The following PFKP variants were observed in gnomAD, a reference collection of about 807,000 sequenced individuals.
The protein encoded by PFKP is ATP-dependent 6-phosphofructokinase, platelet type.
Under a neutral mutation model 94.3 loss-of-function variants are expected in PFKP, and 101 were observed. The observed-to-expected ratio is 1.07, with a 90% CI of 0.91 to 1.26. The LOEUF (loss-of-function observed/expected upper bound fraction) is 1.26, where lower values mean the gene tolerates loss of function less well. PFKP is among the 50% of genes most tolerant of loss of function. The pLI is 0.00. For synonymous variants in PFKP, 573 were observed against 432.6 expected, an observed-to-expected ratio of 1.32 and a Z score of -4.03; for missense variants, 1,145 against 1,103.3, an observed-to-expected ratio of 1.04 and a Z score of -0.53.
intron 2 of PFKP, among the ~76,000 whole-genome samples, chr10:3,097,085 C>A (rs11251715): frequency 0.4 from 16,784 of 42,180 alleles, 3,075 homozygotes; most frequent in Middle Eastern, 0.49. Flanking sequence ...CTCAAAAAAA[C>A]AAAAAACAAA....
intron 2 of PFKP, among the ~76,000 whole-genome samples, chr10:3,097,028 AG>A (rs1834539388): frequency 8.4e-6 from 1 of 119,454 alleles, no homozygotes; most frequent in Admixed American, 7.8e-5. Context: ...CAATGAGCCA[AG>A]ATCACGCCAC....
chr10:3,104,772 T>A (rs531592957), intron 5 of PFKP: 1 of 363,132 alleles, frequency 2.8e-6, no homozygotes, highest in Non-Finnish European at 5.0e-6. Flanking sequence ...AGCTGCCGAC[T>A]GTGCCCAATA....
At chr10:3,100,880 AAAT>A (rs746102949) in intron 3 of PFKP, 26 of 1,138,804 alleles carry the variant, frequency 2.3e-5, no homozygotes, top group Non-Finnish European at 2.8e-5. Flanking sequence ...AAAAAAAAAA[AAAT>A]CCCCCTGGCC....
intron 1 of PFKP, 74 bp from the exon 2 acceptor site, chr10:3,082,314 G>T: frequency 9.1e-7 from 1 of 1,095,442 alleles, no homozygotes; most frequent in Non-Finnish European, 1.4e-6. Flanking sequence ...CGGACCCATG[G>T]TCATGGGTAG....
At chr10:3,127,016 A>AG (rs1838026297) in intron 16 of PFKP, among the ~76,000 whole-genome samples, 1 of 152,248 alleles carries the variant, frequency 6.6e-6, no homozygotes, top group Admixed American at 6.5e-5. Flanking sequence ...GAGGCCAGGG[A>AG]GGCACCTCCG....
chr10:3,071,435 T>TG lies in PFKP; in HGVS notation c.112+3728_112+3729insG, dbSNP rs546201649. ...ATCTTCTGTCTCAGGCTGTTTTTTT[T>TG]TTTTTTTTTTTTTTCTTTCTCTTCT... is the stretch of plus-strand genomic sequence containing the variant. On this transcript the variant is annotated intron_variant, in intron 1 of 21. Transcript: ENST00000381125. 5.1e-4 allele frequency among the ~76,000 whole-genome samples: 53 copies of TG among 104,670 alleles called. No individual in the cohort carries two copies. The South Asian group carries it at 9.4e-3, about 18-fold the overall frequency. The allele number at this position is 104,670 out of a possible 152,430, so 68.7% of individuals were successfully genotyped here.
intron 2 of PFKP, among the ~76,000 whole-genome samples, chr10:3,097,408 C>T (rs1262352451): frequency 1.3e-5 from 2 of 152,246 alleles, no homozygotes; most frequent in East Asian, 1.9e-4. Flanking sequence ...CTACACTGGG[C>T]TCATCTGCAC....
chr10:3,073,043 C>T (rs758263502), intron 1 of PFKP, among the ~76,000 whole-genome samples: 3 of 151,918 alleles, frequency 2.0e-5, no homozygotes, highest in Non-Finnish European at 2.9e-5. Context: ...CGGTTCTCTC[C>T]GTCTTCACCC....
intron 13 of PFKP, among the ~76,000 whole-genome samples, chr10:3,114,329 TA>T (rs1836577783): frequency 6.6e-6 from 1 of 152,098 alleles, no homozygotes; most frequent in Non-Finnish European, 1.5e-5. Flanking sequence ...TTTGTATTTT[TA>T]GTAGAGATGG....
intron 10 of PFKP, among the ~76,000 whole-genome samples, chr10:3,111,994 C>G (rs894441512): frequency 1.3e-5 from 2 of 152,206 alleles, no homozygotes; most frequent in African/African-American, 4.8e-5. Flanking sequence ...CTGAGCTAAG[C>G]AGTCCCAGGG....
intron 3 of PFKP, 80 bp downstream of exon 3, chr10:3,099,432 T>G (rs556895978): frequency 9.1e-7 from 1 of 1,098,468 alleles, no homozygotes; most frequent in Admixed American, 1.8e-5. Flanking sequence ...ACACTTGAGC[T>G]CAGATCAGTT....
At chr10:3,133,375 G>GT in intron 19 of PFKP, 61 bp downstream of exon 19, 1 of 1,075,816 alleles carries the variant, frequency 9.3e-7, no homozygotes, top group Non-Finnish European at 1.4e-6. Flanking sequence ...TAAAAGATTA[G>GT]TGTCTTATTT....
chr10:3,121,803 C>CT (rs759926178), intron 16 of PFKP, among the ~76,000 whole-genome samples: 5,037 of 32,102 alleles, frequency 0.16, 478 homozygotes, highest in Non-Finnish European at 0.19. Flanking sequence ...CTTTTTTTTT[C>CT]TTTTTTTTTT....
rs746157403 is a variant in PFKP, at chr10:3,129,985, T to G, written c.1848+2T>G. The G allele has an allele frequency of 6.4e-7, 1 of 1,569,782 alleles. No individual in the cohort carries two copies. The highest frequency in any genetic ancestry group is 1.3e-5 in the African/African-American group (1 of 74,240). ...CCCTTCGACATCAGGGATCTGCAGG[T>G]ATGTGACGGGGCTGGCCTCAGGGCC... is the stretch of plus-strand genomic sequence containing the variant. On this transcript the variant is annotated splice_donor_variant, in intron 17 of 21. Transcript: ENST00000381125. LOFTEE classifies it high-confidence loss of function.
intron 4 of PFKP, among the ~76,000 whole-genome samples, chr10:3,101,846 G>T (rs1216637818): frequency 6.6e-6 from 1 of 152,202 alleles, no homozygotes; most frequent in Non-Finnish European, 1.5e-5. Context: ...TACAGATGAG[G>T]AATCAAACGG....
intron 14 of PFKP, 72 bp downstream of exon 14, chr10:3,116,918 G>T: frequency 1.7e-6 from 2 of 1,191,680 alleles, no homozygotes; most frequent in East Asian, 2.3e-5. Context: ...GGAGAGAATC[G>T]CTGGGTGCCG....
chr10:3,104,791 A>G (rs1394861589), intron 5 of PFKP: 7 of 410,660 alleles, frequency 1.7e-5, no homozygotes, highest in Admixed American at 4.3e-5. Context: ...TAGAGAAGGT[A>G]TCTGGGAAAG....
intron 10 of PFKP, 60 bp downstream of exon 10, chr10:3,109,540 T>C (rs1165063222): frequency 5.1e-6 from 8 of 1,574,740 alleles, no homozygotes; most frequent in Non-Finnish European, 6.9e-6. Context: ...AAGCTGCTTG[T>C]CAGGCCAGCC....
rs149415542 is a variant in PFKP, at chr10:3,099,050, G to A, written c.187-225G>A. Among the ~76,000 whole-genome samples, 684 of 152,292 alleles carry A rather than the reference G, an allele frequency of 4.5e-3. 8 individuals are homozygous for A. The highest frequency in any genetic ancestry group is 0.016 in the African/African-American group (656 of 41,550). The stretch of plus-strand genomic sequence containing the variant: ...GAATGGCTTGATTCCTCATTGCACT[G>A]TGAGGCTGAGTCTAGGCAGACGTTC... On this transcript the variant is annotated intron_variant, in intron 2 of 21. Coordinates refer to ENST00000381125, the MANE Select transcript of PFKP (RefSeq NM_002627.5).
Sources: allele counts gnomAD v4.1 joint callset (sites outside exome capture counted in the v4.1 genomes callset), GRCh38; gene constraint gnomAD v4.1.1; transcripts MANE v1.5; gene names NCBI Gene and HGNC (gene_info 2026-07-23, HGNC 2026-07-21).